ARHGAP42: variants seen among roughly 807,000 people sequenced by gnomAD.
The protein encoded by ARHGAP42 is rho GTPase-activating protein 42.
In ARHGAP42, 63 loss-of-function variants were observed where a neutral mutation model predicts 125.0. That is an observed-to-expected ratio of 0.50 (90% CI 0.41 to 0.62). ARHGAP42 has a LOEUF of 0.62. ARHGAP42 is among the 20% of genes least tolerant of loss of function. The pLI is 0.00. For missense variants in ARHGAP42, 766 were observed against 1,024.2 expected (o/e 0.75, Z 3.44); for synonymous variants, 339 against 351.0 (o/e 0.97, Z 0.38).
intron 4 of ARHGAP42, among the ~76,000 whole-genome samples, chr11:100,912,787 G>A (rs1356385754): frequency 1.3e-5 from 2 of 152,100 alleles, no homozygotes; most frequent in Non-Finnish European, 2.9e-5. Context: ...CAACATATCA[G>A]GAACAAAGGT....
intron 3 of ARHGAP42, among the ~76,000 whole-genome samples, chr11:100,838,825 CA>C (rs1249103288): frequency 1.3e-5 from 2 of 152,226 alleles, no homozygotes; most frequent in East Asian, 1.9e-4. Flanking sequence ...CAGTCATTGA[CA>C]GGGGCAAAAA....
chr11:100,714,433 C>G (rs899351649), intron 1 of ARHGAP42, among the ~76,000 whole-genome samples: 4 of 150,590 alleles, frequency 2.7e-5, no homozygotes, highest in African/African-American at 9.8e-5. Flanking sequence ...ATTTGAGATA[C>G]TTCAGTGCTG....
chr11:100,730,592 C>T (rs903618086), intron 1 of ARHGAP42, among the ~76,000 whole-genome samples: 37 of 152,208 alleles, frequency 2.4e-4, no homozygotes, highest in Admixed American at 2.4e-3. Context: ...GATTAAGCCT[C>T]ATGCAAATGC....
chr11:100,937,148 C>A (rs529597497), intron 8 of ARHGAP42, among the ~76,000 whole-genome samples: 69 of 152,326 alleles, frequency 4.5e-4, no homozygotes, highest in African/African-American at 1.4e-3. Context: ...CCAGCAGACT[C>A]TGCAAACATT....
At chr11:100,808,674 G>T (rs1176551551) in intron 3 of ARHGAP42, among the ~76,000 whole-genome samples, 5 of 151,800 alleles carry the variant, frequency 3.3e-5, no homozygotes. Flanking sequence ...CAAAGTGCTG[G>T]GATTACAGGC....
At chr11:100,692,774 C>A (rs557683166) in intron 1 of ARHGAP42, among the ~76,000 whole-genome samples, 1 of 152,096 alleles carries the variant, frequency 6.6e-6, no homozygotes, top group Admixed American at 6.5e-5. Flanking sequence ...GTTTGAGATA[C>A]GCTGCTATGA....
At chr11:100,975,694 C>T (rs1482029905) in intron 19 of ARHGAP42, among the ~76,000 whole-genome samples, 1 of 152,100 alleles carries the variant, frequency 6.6e-6, no homozygotes, top group African/African-American at 2.4e-5. Flanking sequence ...CTTGTAATAT[C>T]ATGAAGGAAT....
chr11:100,814,373 AAAAAAGAAAAG>A (rs1270018842), intron 3 of ARHGAP42, among the ~76,000 whole-genome samples: 1 of 151,978 alleles, frequency 6.6e-6, no homozygotes, highest in Non-Finnish European at 1.5e-5. Context: ...AAAAAAAAAA[AAAAAAGAAAAG>A]AAAAGAAAAT....
At chr11:100,694,710 G>C (rs1861245050) in intron 1 of ARHGAP42, among the ~76,000 whole-genome samples, 1 of 152,112 alleles carries the variant, frequency 6.6e-6, no homozygotes, top group African/African-American at 2.4e-5. Flanking sequence ...GCTGCTTCTT[G>C]CTGACTTTCA....
chr11:100,758,723 G>C (rs1862631144), intron 1 of ARHGAP42, among the ~76,000 whole-genome samples: 1 of 152,130 alleles, frequency 6.6e-6, no homozygotes, highest in African/African-American at 2.4e-5. Context: ...AACTCTACAT[G>C]CATGATTTCA....
At chr11:100,879,637 A>G (rs12418752) in intron 4 of ARHGAP42, among the ~76,000 whole-genome samples, 2 of 152,122 alleles carry the variant, frequency 1.3e-5, no homozygotes, top group Admixed American at 6.5e-5. Context: ...TATTTACAAC[A>G]TAGACTTTGC....
At chr11:100,780,562 T>C (rs1051036756) in intron 2 of ARHGAP42, among the ~76,000 whole-genome samples, 1 of 152,250 alleles carries the variant, frequency 6.6e-6, no homozygotes, top group African/African-American at 2.4e-5. Context: ...TGGAGCGTTA[T>C]TGAAGACTAA....
At chr11:100,968,335 T>C (rs1181255246) in intron 17 of ARHGAP42, among the ~76,000 whole-genome samples, 1 of 152,150 alleles carries the variant, frequency 6.6e-6, no homozygotes, top group Non-Finnish European at 1.5e-5. Flanking sequence ...ACCATTTTTC[T>C]TTTTGTTTTC....
intron 3 of ARHGAP42, among the ~76,000 whole-genome samples, chr11:100,859,058 A>G (rs1157672209): frequency 1.3e-5 from 2 of 152,100 alleles, no homozygotes; most frequent in Admixed American, 6.6e-5. Context: ...CATTATGAGA[A>G]TGTTCAGGCA....
In ARHGAP42 at chr11:100,723,387, A is replaced by G. The variant is rs1476398409; in HGVS notation, c.154+35555A>G. ...GTTGGGAAGAACTGACACCTTGACA[A>G]CATTAAGTCTTCCTATCTAGAAACA... On this transcript the variant is annotated intron_variant, in intron 1 of 23. Transcript: ENST00000298815. Among the ~76,000 whole-genome samples, 3 of 152,228 alleles carry G rather than the reference A, an allele frequency of 2.0e-5. No homozygotes were observed. In the East Asian group the frequency reaches 5.8e-4, roughly 29 times the overall value.
At chr11:100,949,584 G>C (rs608689) in intron 11 of ARHGAP42, among the ~76,000 whole-genome samples, 126,357 of 151,832 alleles carry the variant, frequency 0.83, 52,653 homozygotes, top group African/African-American at 0.87. Flanking sequence ...ATTGGAAGAA[G>C]GAGCAATTCC....
intron 3 of ARHGAP42, among the ~76,000 whole-genome samples, chr11:100,808,255 G>A (rs936829782): frequency 6.6e-6 from 1 of 152,150 alleles, no homozygotes; most frequent in Non-Finnish European, 1.5e-5. Context: ...CTTTGCTTCT[G>A]ATTAAACCAT....
chr11:100,952,515 A>T (rs77969560), intron 12 of ARHGAP42, among the ~76,000 whole-genome samples: 7,560 of 152,202 alleles, frequency 0.05, 328 homozygotes, highest in East Asian at 0.25. Flanking sequence ...AACTAAACTT[A>T]TTGAAAAATA....
intron 2 of ARHGAP42, among the ~76,000 whole-genome samples, chr11:100,771,274 C>G (rs1441548498): frequency 6.6e-6 from 1 of 152,138 alleles, no homozygotes; most frequent in Non-Finnish European, 1.5e-5. Context: ...AAGGATTCAT[C>G]TCCCATAAAA....
Sources: allele counts gnomAD v4.1 joint callset (sites outside exome capture counted in the v4.1 genomes callset), GRCh38; gene constraint gnomAD v4.1.1; transcripts MANE v1.5; gene names NCBI Gene and HGNC (gene_info 2026-07-23, HGNC 2026-07-21).